KRABD3: variants seen among roughly 807,000 people sequenced by gnomAD.
The protein encoded by KRABD3 is KRAB domain-containing protein 3.
chr7:149,718,494 T>C, the KRABD3 span, among the ~76,000 whole-genome samples: 3 of 151,712 alleles, frequency 2.0e-5, no homozygotes, highest in Non-Finnish European at 4.4e-5. Flanking sequence ...TGATGGCCAC[T>C]TTAAAGTCCA....
At chr7:149,717,931 T>G in the KRABD3 span, among the ~76,000 whole-genome samples, 1 of 152,226 alleles carries the variant, frequency 6.6e-6, no homozygotes, top group African/African-American at 2.4e-5. Context: ...CCCAAGTAGC[T>G]GTGATTACAG....
At chr7:149,723,762 T>TC in the KRABD3 span, 1 of 1,613,724 alleles carries the variant, frequency 6.2e-7, no homozygotes, top group Non-Finnish European at 8.5e-7. Flanking sequence ...CAGGGGATTG[T>TC]CCCCTCCAGG....
the KRABD3 span, chr7:149,731,621 C>A: frequency 7.3e-7 from 1 of 1,365,402 alleles, no homozygotes; most frequent in South Asian, 1.2e-5. Context: ...CAGAATGGCT[C>A]TGGCCAAACG....
the KRABD3 span, among the ~76,000 whole-genome samples, chr7:149,727,548 C>T: frequency 6.6e-6 from 1 of 152,210 alleles, no homozygotes; most frequent in Non-Finnish European, 1.5e-5. Context: ...CTATACATGC[C>T]CCCTCCAGGC....
the KRABD3 span, chr7:149,724,817 TC>T: frequency 6.3e-7 from 1 of 1,594,132 alleles, no homozygotes; most frequent in Non-Finnish European, 8.5e-7. Context: ...ACCAGAGGGG[TC>T]CCCCAACCCA....
At chr7:149,734,208 G>C in the KRABD3 span, 137 of 993,028 alleles carry the variant, frequency 1.4e-4, no homozygotes, top group Non-Finnish European at 1.3e-4. Context: ...GAGCCCCCAG[G>C]TGCTGTTTGC....
At chr7:149,733,525 C>T in the KRABD3 span, 1 of 1,594,604 alleles carries the variant, frequency 6.3e-7, no homozygotes, top group East Asian at 2.3e-5. Flanking sequence ...TGTGGACCCT[C>T]CCACGGGGAC....
the KRABD3 span, among the ~76,000 whole-genome samples, chr7:149,719,246 C>G: frequency 1.3e-5 from 2 of 152,356 alleles, no homozygotes; most frequent in South Asian, 4.1e-4. This position sits in a 1 kb window ranked among gnomAD's most constrained non-coding sequence, Gnocchi z 5.6. Context: ...ATGAGTCATA[C>G]TGGACTAAGG....
the KRABD3 span, chr7:149,730,641 AGTCCTGCCT>A: frequency 1.3e-6 from 2 of 1,527,000 alleles, no homozygotes; most frequent in South Asian, 2.4e-5. Context: ...GGATCCTTTG[AGTCCTGCCT>A]GTCGCTTTGC....
chr7:149,726,078 G>A, the KRABD3 span: 45 of 1,598,446 alleles, frequency 2.8e-5, no homozygotes, highest in African/African-American at 3.9e-4. Flanking sequence ...GGGCCAGCCC[G>A]AGGCTGGGGT....
chr7:149,723,209 G>A, the KRABD3 span, among the ~76,000 whole-genome samples: 4 of 152,224 alleles, frequency 2.6e-5, no homozygotes, highest in Non-Finnish European at 4.4e-5. Flanking sequence ...GACCCGAGGG[G>A]AAGAGCTGCA....
the KRABD3 span, chr7:149,720,727 C>A: frequency 1.7e-6 from 2 of 1,166,012 alleles, no homozygotes; most frequent in Non-Finnish European, 1.2e-6. Flanking sequence ...GGCTGCTCCT[C>A]ATGTGGCTGG....
the KRABD3 span, chr7:149,730,601 G>C: frequency 6.2e-7 from 1 of 1,601,710 alleles, no homozygotes; most frequent in Admixed American, 1.7e-5. Flanking sequence ...GGGCGCCCAT[G>C]CGTTCCCCAG....
chr7:149,729,523 C>T, the KRABD3 span: 541 of 985,438 alleles, frequency 5.5e-4, no homozygotes, highest in Non-Finnish European at 6.2e-4. Flanking sequence ...AACTGAGGTT[C>T]GCTAAACAAG....
Sources: allele counts gnomAD v4.1 joint callset (sites outside exome capture counted in the v4.1 genomes callset), GRCh38; gene constraint gnomAD v4.1.1; non-coding constraint Gnocchi (gnomAD v3.1); transcripts MANE v1.5; gene names NCBI Gene and HGNC (gene_info 2026-07-23, HGNC 2026-07-21).